TEAD1: variants seen among roughly 807,000 people sequenced by gnomAD.
TEAD1 encodes TEA domain transcription factor 1, also known as transcriptional enhancer factor TEF-1.
In TEAD1, 9 loss-of-function variants were observed where a neutral mutation model predicts 54.9. The observed-to-expected ratio is 0.16, with a 90% CI of 0.10 to 0.29. The LOEUF is 0.29. TEAD1 is among the 10% of genes least tolerant of loss of function. The pLI, the probability that TEAD1 is intolerant of heterozygous loss-of-function variation, is 1.00. For missense variants in TEAD1, 387 were observed against 535.9 expected (o/e 0.72, Z 2.74); for synonymous variants, 200 against 187.8 (o/e 1.07, Z -0.53).
intron 2 of TEAD1, among the ~76,000 whole-genome samples, chr11:12,738,623 G>A (rs1944584121): frequency 6.6e-6 from 1 of 152,076 alleles, no homozygotes; most frequent in Admixed American, 6.5e-5. Context: ...TCTAGTAGAG[G>A]ATGTGGCAAG....
intron 10 of TEAD1, among the ~76,000 whole-genome samples, chr11:12,922,115 T>C (rs1948817325): frequency 6.6e-6 from 1 of 152,164 alleles, no homozygotes; most frequent in Non-Finnish European, 1.5e-5. Flanking sequence ...AAGTTAATTA[T>C]TGTAGTTGAA....
chr11:12,766,238 T>C (rs1945204906), intron 3 of TEAD1, among the ~76,000 whole-genome samples: 1 of 152,242 alleles, frequency 6.6e-6, no homozygotes, highest in Non-Finnish European at 1.5e-5. Context: ...CAAGTTAACT[T>C]TTGTCAACTC....
chr11:12,825,746 GT>G (rs1445428679), intron 3 of TEAD1, among the ~76,000 whole-genome samples: 1 of 152,180 alleles, frequency 6.6e-6, no homozygotes, highest in African/African-American at 2.4e-5. Context: ...ATATTTCTTA[GT>G]TTCAAAACTT....
chr11:12,809,330 C>T (rs138196796), intron 3 of TEAD1, among the ~76,000 whole-genome samples: 1 of 152,274 alleles, frequency 6.6e-6, no homozygotes, highest in African/African-American at 2.4e-5. Flanking sequence ...CCTTTATTTC[C>T]ACTCTGCATG....
chr11:12,890,287 C>T (rs1948172335), intron 9 of TEAD1, among the ~76,000 whole-genome samples: 1 of 152,140 alleles, frequency 6.6e-6, no homozygotes, highest in Admixed American at 6.5e-5. Context: ...AGTAGGAGCT[C>T]CCCAAGCAAG....
intron 2 of TEAD1, among the ~76,000 whole-genome samples, chr11:12,677,030 T>C (rs1414896096): frequency 6.6e-6 from 1 of 152,182 alleles, no homozygotes; most frequent in Non-Finnish European, 1.5e-5. Flanking sequence ...TATGACACTT[T>C]GCTTTGACAA....
intron 2 of TEAD1, among the ~76,000 whole-genome samples, chr11:12,745,656 G>T (rs1252451797): frequency 7.0e-6 from 1 of 143,068 alleles, no homozygotes; most frequent in Non-Finnish European, 1.5e-5. Context: ...CTTATAATAC[G>T]TGCAACCCTG....
intron 3 of TEAD1, among the ~76,000 whole-genome samples, chr11:12,858,302 A>T (rs1947432819): frequency 6.6e-6 from 1 of 152,204 alleles, no homozygotes; most frequent in African/African-American, 2.4e-5. Flanking sequence ...AGAATTAAAC[A>T]TATAAAATTT....
chr11:12,723,487 T>C lies in TEAD1; in HGVS notation c.-54-40692T>C, dbSNP rs146238182. On this transcript the variant is annotated intron_variant, in intron 2 of 12. Transcript: ENST00000527636. Reference sequence around the variant, plus strand: ...CTGTAAAATAAATACTTTGGACATATTTTGTGGTTGGATTAACTGTTCGTG... The same window carrying C: ...CTGTAAAATAAATACTTTGGACATACTTTGTGGTTGGATTAACTGTTCGTG... 2.0e-3 allele frequency among the ~76,000 whole-genome samples: 308 copies of C among 152,238 alleles called. 2 individuals are homozygous for C. Among genetic ancestry groups the C allele is most frequent in the Non-Finnish European group, 2.7e-3 (186 of 68,018 alleles).
chr11:12,891,215 C>G (rs1378241181), intron 9 of TEAD1, among the ~76,000 whole-genome samples: 1 of 152,190 alleles, frequency 6.6e-6, no homozygotes. Context: ...CTACTATTCT[C>G]TTATGAGGCT....
chr11:12,829,505 G>T (rs1946728401), intron 3 of TEAD1, among the ~76,000 whole-genome samples: 1 of 152,202 alleles, frequency 6.6e-6, no homozygotes, highest in Non-Finnish European at 1.5e-5. Context: ...GCCTTTAGAA[G>T]TAAAATCCAA....
chr11:12,925,199 A>G, intron 11 of TEAD1, 147 bp downstream of exon 11: 1 of 912,838 alleles, frequency 1.1e-6, no homozygotes. Flanking sequence ...ATGAAGAACT[A>G]CCTGAAAATG....
At chr11:12,907,619 T>C (rs993936384) in intron 10 of TEAD1, among the ~76,000 whole-genome samples, 3 of 152,164 alleles carry the variant, frequency 2.0e-5, no homozygotes, top group African/African-American at 4.8e-5. Context: ...GTTCCTCTCT[T>C]TTTCAGCAGT....
At chr11:12,718,502 C>T (rs1944112022) in intron 2 of TEAD1, among the ~76,000 whole-genome samples, 1 of 152,164 alleles carries the variant, frequency 6.6e-6, no homozygotes, top group South Asian at 2.1e-4. Flanking sequence ...ATCCTTCCTC[C>T]AGCTTCTGTG....
intron 9 of TEAD1, among the ~76,000 whole-genome samples, chr11:12,890,368 C>G (rs1373045907): frequency 6.6e-6 from 1 of 152,192 alleles, no homozygotes; most frequent in South Asian, 2.1e-4. Flanking sequence ...CCTATTCCAA[C>G]CCATGGAAAA....
intron 3 of TEAD1, among the ~76,000 whole-genome samples, chr11:12,845,462 A>G (rs1429394823): frequency 2.0e-5 from 3 of 152,154 alleles, no homozygotes; most frequent in Admixed American, 2.0e-4. Context: ...TGTGTAGGGA[A>G]TTCAGTAATA....
intron 9 of TEAD1, among the ~76,000 whole-genome samples, chr11:12,883,681 C>T (rs1948020087): frequency 6.6e-6 from 1 of 152,154 alleles, no homozygotes; most frequent in African/African-American, 2.4e-5. Flanking sequence ...ACTCTGTTTT[C>T]TCAAGATAGC....
At chr11:12,786,682 C>G (rs1436963251) in intron 3 of TEAD1, among the ~76,000 whole-genome samples, 1 of 152,142 alleles carries the variant, frequency 6.6e-6, no homozygotes, top group African/African-American at 2.4e-5. Context: ...AGATGCCACT[C>G]TAGGCACTGG....
At chr11:12,893,594 C>T (rs1402975014) in intron 9 of TEAD1, among the ~76,000 whole-genome samples, 1 of 152,188 alleles carries the variant, frequency 6.6e-6, no homozygotes, top group Admixed American at 6.5e-5. Flanking sequence ...CCTGGTTGCT[C>T]ACTCAGTCGG....
Sources: gnomAD v4.1 joint callset for allele counts (sites outside exome capture counted in the v4.1 genomes callset) on GRCh38, gnomAD v4.1.1 for gene constraint, MANE v1.5 for transcripts, NCBI Gene and HGNC (gene_info 2026-07-23, HGNC 2026-07-21) for gene names.